Variants in SP4 observed in about 807,000 individuals in gnomAD.
SP4 encodes transcription factor Sp4.
SP4 carries 19 observed loss-of-function variants against 72.8 expected under a neutral mutation model. That is an observed-to-expected ratio of 0.26 (90% CI 0.18 to 0.38). SP4 has a LOEUF of 0.38. SP4 is among the 10% of genes least tolerant of loss of function. The pLI is 1.00. For missense variants in SP4, 1,008 were observed against 926.3 expected, an observed-to-expected ratio of 1.09 and a Z score of -1.14; for synonymous variants, 395 against 333.1, an observed-to-expected ratio of 1.19 and a Z score of -2.02.
intron 3 of SP4, among the ~76,000 whole-genome samples, chr7:21,441,520 A>T (rs985173201): frequency 8.5e-5 from 13 of 152,322 alleles, no homozygotes; most frequent in African/African-American, 2.9e-4. Context: ...ATAATAATAA[A>T]TAAATTTGAA....
intron 3 of SP4, among the ~76,000 whole-genome samples, chr7:21,465,064 G>A (rs985590262): frequency 6.6e-6 from 1 of 152,142 alleles, no homozygotes; most frequent in Non-Finnish European, 1.5e-5. Context: ...TCTTTCTAGG[G>A]TTTTCCGGCT....
chr7:21,474,723 G>A (rs2282898), intron 3 of SP4, among the ~76,000 whole-genome samples: 2,084 of 152,290 alleles, frequency 0.014, 48 homozygotes, highest in East Asian at 0.079. Flanking sequence ...TTAGAGTTGA[G>A]GAAACTGAGG....
At chr7:21,431,027 T>A (rs1277659839) in intron 3 of SP4, among the ~76,000 whole-genome samples, 184 bp downstream of exon 3, 1 of 152,096 alleles carries the variant, frequency 6.6e-6, no homozygotes, top group African/African-American at 2.4e-5. Context: ...ATGTTCACTT[T>A]TGTAGATTTT....
chr7:21,467,947 A>G (rs1356144177), intron 3 of SP4, among the ~76,000 whole-genome samples: 1 of 152,170 alleles, frequency 6.6e-6, no homozygotes, highest in East Asian at 1.9e-4. Flanking sequence ...ATTATTAAAT[A>G]GGTCAATTTC....
intron 3 of SP4, among the ~76,000 whole-genome samples, chr7:21,433,132 A>G (rs978186606): frequency 5.9e-5 from 9 of 152,166 alleles, no homozygotes; most frequent in African/African-American, 2.2e-4. Context: ...GGCAACTACA[A>G]CTTTTTAGTT....
At chr7:21,445,988 ATGTGTGTGTGTG>A (rs4000966) in intron 3 of SP4, among the ~76,000 whole-genome samples, 7,888 of 143,182 alleles carry the variant, frequency 0.055, 230 homozygotes, top group Non-Finnish European at 0.07. Context: ...TCTTATGTGT[ATGTGTGTGTGTG>A]TGTGTGTGTG....
intron 5 of SP4, among the ~76,000 whole-genome samples, chr7:21,501,354 T>C (rs11508471): frequency 0.23 from 35,470 of 152,130 alleles, 4,275 homozygotes; most frequent in Middle Eastern, 0.44. Context: ...CCCTCCTCTT[T>C]TCTGTTTACT....
chr7:21,429,535 T>C lies in SP4; in HGVS notation c.370T>C (p.Ser124Pro), dbSNP rs1168777716. 2 of 1,614,062 alleles carry C rather than the reference T, an allele frequency of 1.2e-6. No individual in the cohort carries two copies. Among genetic ancestry groups the C allele is most frequent in the Non-Finnish European group, 1.7e-6 (2 of 1,179,906 alleles). Residue 124 changes from serine (S) to proline (P), a missense_variant, in exon 3 of 6, where the codon TCG becomes CCG. Around this residue, in one of 3 missense-constraint regions of SP4, gnomAD observed 893 missense variants for 743.3 expected, o/e 1.20. Coordinates refer to ENST00000222584, the MANE Select transcript of SP4 (RefSeq NM_003112.5). ...ENNVSQPASS[S>P]SSSSSSNNGS... ...TAACGTTTCTCAACCAGCCTCTAGT[T>C]CGTCTAGTTCTTCCAGCAGTAATAA...
At chr7:21,434,484 T>G (rs1298930491) in intron 3 of SP4, among the ~76,000 whole-genome samples, 2 of 152,352 alleles carry the variant, frequency 1.3e-5, no homozygotes, top group Admixed American at 6.5e-5. Flanking sequence ...TGGTCTCAGC[T>G]GTAAATCCTG....
intron 3 of SP4, among the ~76,000 whole-genome samples, chr7:21,441,336 C>A (rs1290086703): frequency 2.6e-5 from 4 of 152,170 alleles, no homozygotes; most frequent in Admixed American, 2.6e-4. Flanking sequence ...AAGCTTTTAA[C>A]TAACACAGGG....
intron 3 of SP4, 112 bp downstream of exon 3, chr7:21,430,955 A>G (rs112984021): frequency 4.1e-6 from 3 of 723,958 alleles, no homozygotes; most frequent in South Asian, 1.9e-5. Flanking sequence ...ACACACAATC[A>G]TAAGGAACCA....
intron 3 of SP4, among the ~76,000 whole-genome samples, chr7:21,445,151 G>C (rs963888693): frequency 6.6e-6 from 1 of 152,104 alleles, no homozygotes; most frequent in South Asian, 2.1e-4. Context: ...CGCAATAAGA[G>C]TATGTATTCT....
intron 3 of SP4, among the ~76,000 whole-genome samples, chr7:21,431,795 TC>T (rs1782864881): frequency 2.0e-5 from 3 of 152,222 alleles, no homozygotes; most frequent in Admixed American, 2.0e-4. Context: ...CTTTGATACT[TC>T]CAGACCTTGT....
chr7:21,468,571 G>A (rs1433386600), intron 3 of SP4, among the ~76,000 whole-genome samples: 1 of 150,484 alleles, frequency 6.6e-6, no homozygotes, highest in Admixed American at 6.6e-5. Context: ...GGGAACTGTT[G>A]CTTTTTTATG....
chr7:21,461,235 C>T (rs1162967089), intron 3 of SP4, among the ~76,000 whole-genome samples: 1 of 152,096 alleles, frequency 6.6e-6, no homozygotes, highest in Admixed American at 6.6e-5. Flanking sequence ...GACCGGGTGC[C>T]ATGGAGCAGG....
At position 21,428,656 on chromosome 7, in the gene SP4, T is replaced by C. The variant is rs186020758; in HGVS notation, c.8-21T>C. ...CTAATAACCTGTTGTCGTGTGTGTGTGGTGGGGGGGTTTGTTGCAGATCAG... is the reference window on the plus strand; with the variant it reads ...CTAATAACCTGTTGTCGTGTGTGTGCGGTGGGGGGGTTTGTTGCAGATCAG... On this transcript the variant is annotated intron_variant, in intron 1 of 5. Transcript: ENST00000222584. 2,599 of 1,505,360 alleles carry C rather than the reference T, an allele frequency of 1.7e-3. 27 individuals carry two copies. Among genetic ancestry groups the C allele is most frequent in the Non-Finnish European group, 1.3e-3 (1,439 of 1,106,758 alleles). 93.3% of individuals were successfully genotyped at this position (1,505,360 alleles called of 1,614,324 possible). A position where few individuals can be genotyped will look rare whatever the true frequency, so the allele number is the denominator to read the frequency against.
In SP4 at chr7:21,486,945, TTAGCA is replaced by T. The variant is rs1332098229; in HGVS notation, c.2107+4824_2107+4828del. Among the ~76,000 whole-genome samples the T allele has an allele frequency of 3.3e-5, 5 of 152,346 alleles. No individual in the cohort carries two copies. The East Asian group carries it at 9.7e-4, about 29-fold the overall frequency. ...CAAATAAAATACTAAAGCTTCACTTTTAGCATTCCTCAGTGGATCTTGCCTGCAGC... is the reference window on the plus strand; with the variant it reads ...CAAATAAAATACTAAAGCTTCACTTTTTCCTCAGTGGATCTTGCCTGCAGC... On this transcript the variant is annotated intron_variant, in intron 5 of 5. Transcript: ENST00000222584.
At chr7:21,501,244 C>T (rs936843346) in intron 5 of SP4, among the ~76,000 whole-genome samples, 6 of 152,080 alleles carry the variant, frequency 3.9e-5, no homozygotes, top group African/African-American at 9.7e-5. Flanking sequence ...CTTCTAGGTG[C>T]GTGAGCCGTG....
chr7:21,454,372 A>G lies in SP4; in HGVS notation c.1679-22707A>G, dbSNP rs538706144. 1.2e-4 allele frequency among the ~76,000 whole-genome samples: 14 copies of G among 117,204 alleles called. No homozygotes were observed. In the East Asian group the frequency reaches 3.4e-3, roughly 28 times the overall value. 76.9% of individuals were successfully genotyped at this position (117,204 alleles called of 152,430 possible). On this transcript the variant is annotated intron_variant, in intron 3 of 5. Transcript: ENST00000222584. ...TTTACTAACTTTTTTTTTTTTTACA[A>G]CTTACACAGACCATCTACAACATAC...
Sources: gnomAD v4.1 joint callset for allele counts (sites outside exome capture counted in the v4.1 genomes callset) on GRCh38, gnomAD v4.1.1 for gene constraint, gnomAD v4.1.1 regional missense constraint, MANE v1.5 for transcripts, NCBI Gene and HGNC (gene_info 2026-07-23, HGNC 2026-07-21) for gene names.